Variants in SCARA5 observed in about 807,000 individuals in gnomAD.
SCARA5 encodes scavenger receptor class A member 5.
Under a neutral mutation model 46.3 loss-of-function variants are expected in SCARA5, and 45 were observed. The ratio of observed to expected loss-of-function variants is 0.97; its 90% CI spans 0.76 to 1.24. The LOEUF is 1.24. SCARA5 is among the 50% of genes most tolerant of loss of function. SCARA5 has a pLI of 0.00. For missense variants in SCARA5, 680 were observed against 689.0 expected (o/e 0.99, Z 0.15); for synonymous variants, 333 against 306.5 (o/e 1.09, Z -0.90).
In SCARA5 at chr8:27,922,045, G is replaced by A. The variant is rs756374530; in HGVS notation, c.442C>T (p.Arg148Trp). 6.3e-6 allele frequency: 10 copies of A among 1,575,096 alleles called. No individual in the cohort carries two copies. The highest frequency in any genetic ancestry group is 6.9e-6 in the Non-Finnish European group (8 of 1,165,926). Residue 148 changes from arginine (R) to tryptophan (W), a missense_variant, in exon 4 of 9, where the codon CGG becomes TGG. By Grantham distance (101) the Arg-to-Trp change is moderately radical. Transcript: ENST00000354914. ...SLLALAGAVQ[R>W]LEGALWGLQA... is the part of the protein sequence containing the mutation. Reference sequence around the variant, plus strand: ...AGCCCCCACAGCGCGCCCTCCAGCCGCTGCACTGCGCCCGCCAGCGCCAGC... The same window carrying A: ...AGCCCCCACAGCGCGCCCTCCAGCCACTGCACTGCGCCCGCCAGCGCCAGC...
At chr8:27,913,784 T>C (rs146611944) in intron 4 of SCARA5, among the ~76,000 whole-genome samples, 1 of 152,302 alleles carries the variant, frequency 6.6e-6, no homozygotes, top group Non-Finnish European at 1.5e-5. Context: ...CAGCTTCCCC[T>C]GTCAAGGCCC....
intron 8 of SCARA5, among the ~76,000 whole-genome samples, chr8:27,879,220 C>T (rs1324833608): frequency 2.6e-5 from 4 of 152,040 alleles, no homozygotes; most frequent in Non-Finnish European, 5.9e-5. Flanking sequence ...ACAATAAAAA[C>T]ATAATAGAGA....
Position 27,935,138 on chromosome 8 carries a change from TC to T in SCARA5, c.242-12894del, listed in dbSNP as rs1275868321. On this transcript the variant is annotated intron_variant, in intron 3 of 8. Transcript: ENST00000354914. Reference sequence around the variant, plus strand: ...CCAGAAGCAACCAAGGCTGCTGATATCCAAGTTCTGATTTCTAGCATTCTGA... The same window carrying T: ...CCAGAAGCAACCAAGGCTGCTGATATCAAGTTCTGATTTCTAGCATTCTGA... Among the ~76,000 whole-genome samples the T allele has an allele frequency of 2.0e-5, 3 of 152,186 alleles. No homozygotes were observed. The East Asian group carries it at 5.8e-4, about 29-fold the overall frequency.
chr8:27,952,119 A>C (rs1808137556), intron 3 of SCARA5, among the ~76,000 whole-genome samples: 1 of 151,930 alleles, frequency 6.6e-6, no homozygotes, highest in Admixed American at 6.6e-5. Context: ...ACATGTAGGG[A>C]AGAAGGTTGG....
chr8:27,891,237 G>A (rs145561783), intron 7 of SCARA5, among the ~76,000 whole-genome samples: 46 of 149,300 alleles, frequency 3.1e-4, no homozygotes, highest in African/African-American at 1.1e-3. Flanking sequence ...GAGGAGTCTC[G>A]CTCTGTCATC....
Position 27,891,195 on chromosome 8 carries a change from G to GT in SCARA5, c.1154-11430dup, listed in dbSNP as rs1262393826. Among the ~76,000 whole-genome samples, 19 of 73,280 alleles carry GT rather than the reference G, an allele frequency of 2.6e-4. No homozygotes were observed. In the East Asian group the frequency reaches 4.4e-3, roughly 17 times the overall value. 48.1% of individuals were successfully genotyped at this position (73,280 alleles called of 152,430 possible). ...ATAGATGTGAACAGAACTACAATAG[G>GT]TTTGTTTTTTTTTTGTTTTTTTTTT... On this transcript the variant is annotated intron_variant, in intron 7 of 8. Transcript: ENST00000354914.
chr8:27,907,719 G>A (rs913412341), intron 5 of SCARA5, among the ~76,000 whole-genome samples: 1 of 151,866 alleles, frequency 6.6e-6, no homozygotes, highest in East Asian at 1.9e-4. Flanking sequence ...ACAGGCACAC[G>A]CCGCCACGCC....
intron 1 of SCARA5, among the ~76,000 whole-genome samples, chr8:27,990,810 G>A (rs1808776964): frequency 6.6e-6 from 1 of 152,252 alleles, no homozygotes; most frequent in Non-Finnish European, 1.5e-5. Context: ...ACAGTGACCT[G>A]TGGATGAAGC....
chr8:27,951,731 AG>A (rs35177481), intron 3 of SCARA5, among the ~76,000 whole-genome samples: 1 of 152,204 alleles, frequency 6.6e-6, no homozygotes, highest in Admixed American at 6.5e-5. Flanking sequence ...TTCCTCATGC[AG>A]GGGAGGTTCC....
intron 3 of SCARA5, among the ~76,000 whole-genome samples, chr8:27,948,643 A>G (rs533815586): frequency 2.5e-4 from 38 of 152,192 alleles, no homozygotes; most frequent in Non-Finnish European, 5.0e-4. Context: ...CTTGGTGGGT[A>G]ACATTCCCCA....
At chr8:27,970,492 G>A (rs555066832) in intron 2 of SCARA5, among the ~76,000 whole-genome samples, 1 of 152,224 alleles carries the variant, frequency 6.6e-6, no homozygotes, top group South Asian at 2.1e-4. Context: ...CCCAGAAGTT[G>A]CCACCCTTTT....
rs528747854 is a variant in SCARA5, at chr8:27,876,562, G to A, written c.1351+3007C>T. 3.9e-5 allele frequency among the ~76,000 whole-genome samples: 6 copies of A among 152,266 alleles called. No individual in the cohort carries two copies. In the East Asian group the frequency reaches 1.2e-3, roughly 29 times the overall value. ...GGTGATGGCAATGAGAGAGGCACAG[G>A]ATCTGGTGGGAAGGATATGTGTGCA... On this transcript the variant is annotated intron_variant, in intron 8 of 8. Coordinates refer to ENST00000354914, the MANE Select transcript of SCARA5 (RefSeq NM_173833.6).
At chr8:27,958,644 T>A (rs1197693095) in intron 3 of SCARA5, among the ~76,000 whole-genome samples, 1 of 152,202 alleles carries the variant, frequency 6.6e-6, no homozygotes, top group Non-Finnish European at 1.5e-5. Flanking sequence ...TAAAAATAAA[T>A]GACAGATGTC....
chr8:27,913,030 T>C (rs192818988), intron 4 of SCARA5, among the ~76,000 whole-genome samples: 161 of 151,732 alleles, frequency 1.1e-3, no homozygotes, highest in Non-Finnish European at 1.9e-3. Flanking sequence ...GCATAACGCC[T>C]CCTCACTTTG....
chr8:27,879,532 C>A, intron 8 of SCARA5, 37 bp downstream of exon 8: 1 of 1,433,270 alleles, frequency 7.0e-7, no homozygotes. Context: ...GATGTGCAGG[C>A]CCTCTCCTCA....
At chr8:27,873,983 G>T (rs1481895553) in intron 8 of SCARA5, among the ~76,000 whole-genome samples, 1 of 152,222 alleles carries the variant, frequency 6.6e-6, no homozygotes, top group Non-Finnish European at 1.5e-5. Flanking sequence ...CCGTGAGGCG[G>T]AGGTTACAGC....
chr8:27,967,551 C>A (rs1203251999), intron 2 of SCARA5, among the ~76,000 whole-genome samples: 1 of 152,114 alleles, frequency 6.6e-6, no homozygotes, highest in Admixed American at 6.6e-5. Context: ...AAATGCTTAT[C>A]CCTTTAATGC....
intron 3 of SCARA5, among the ~76,000 whole-genome samples, chr8:27,934,769 A>G (rs917040102): frequency 2.6e-5 from 4 of 152,212 alleles, no homozygotes; most frequent in Admixed American, 2.0e-4. Flanking sequence ...GGCATTAGGA[A>G]GGTCACTTAT....
intron 3 of SCARA5, among the ~76,000 whole-genome samples, chr8:27,937,763 TTC>T (rs1807880695): frequency 6.6e-6 from 1 of 152,188 alleles, no homozygotes; most frequent in Non-Finnish European, 1.5e-5. Context: ...GATGGCTGCC[TTC>T]TCTCTTGCCC....
Sources: allele counts gnomAD v4.1 joint callset (sites outside exome capture counted in the v4.1 genomes callset), GRCh38; gene constraint gnomAD v4.1.1; transcripts MANE v1.5; gene names NCBI Gene and HGNC (gene_info 2026-07-23, HGNC 2026-07-21).